Variants in FUT9 observed in about 807,000 individuals in gnomAD.
FUT9 encodes fucosyltransferase 9, also known as 4-galactosyl-N-acetylglucosaminide 3-alpha-L-fucosyltransferase 9.
FUT9 carries 15 observed loss-of-function variants against 29.7 expected under a neutral mutation model. That is an observed-to-expected ratio of 0.51 (90% CI 0.34 to 0.78). The LOEUF (loss-of-function observed/expected upper bound fraction) is 0.78. FUT9 is among the 30% of genes least tolerant of loss of function. FUT9 has a pLI of 0.01. For synonymous variants in FUT9, 169 were observed against 153.7 expected, an observed-to-expected ratio of 1.10 and a Z score of -0.74; for missense variants, 319 against 425.4, an observed-to-expected ratio of 0.75 and a Z score of 2.20.
intron 1 of FUT9, among the ~76,000 whole-genome samples, chr6:96,077,536 T>G (rs1771159401): frequency 6.6e-6 from 1 of 152,134 alleles, no homozygotes; most frequent in Admixed American, 6.5e-5. Flanking sequence ...CCCCCTCCTC[T>G]CACCTTGTAA....
chr6:96,100,413 G>T (rs1362117457), intron 1 of FUT9, among the ~76,000 whole-genome samples: 2 of 152,068 alleles, frequency 1.3e-5, no homozygotes, highest in Non-Finnish European at 2.9e-5. Flanking sequence ...GTAAAGTAAA[G>T]GAAATACTTT....
intron 2 of FUT9, among the ~76,000 whole-genome samples, chr6:96,187,680 A>C (rs6571110): frequency 6.6e-6 from 1 of 151,830 alleles, no homozygotes; most frequent in Non-Finnish European, 1.5e-5. Context: ...TTATAAAAAT[A>C]TACAGGGAGG....
intron 2 of FUT9, among the ~76,000 whole-genome samples, chr6:96,129,282 AAAAAAAAAAACAAAC>A (rs367827023): frequency 0.73 from 84,132 of 115,970 alleles, 30,916 homozygotes; most frequent in East Asian, 0.9. Flanking sequence ...AAAAAAAAAA[AAAAAAAAAAACAAAC>A]AACCAGCCAT....
intron 1 of FUT9, among the ~76,000 whole-genome samples, chr6:96,106,401 T>C (rs1771686737): frequency 6.6e-6 from 1 of 152,178 alleles, no homozygotes; most frequent in Non-Finnish European, 1.5e-5. Context: ...ATTCAATTTT[T>C]TTCTTGTTAT....
chr6:96,182,092 A>C (rs1389800735), intron 2 of FUT9, among the ~76,000 whole-genome samples: 1 of 151,820 alleles, frequency 6.6e-6, no homozygotes, highest in African/African-American at 2.4e-5. Flanking sequence ...AACATCTATT[A>C]GTTTTTGATT....
intron 1 of FUT9, among the ~76,000 whole-genome samples, chr6:96,111,572 CACACACACACACAA>C (rs1445997342): frequency 2.6e-5 from 4 of 151,262 alleles, no homozygotes; most frequent in Non-Finnish European, 4.4e-5. Context: ...CACACACACA[CACACACACACACAA>C]ATCTGAGTTA....
intron 1 of FUT9, among the ~76,000 whole-genome samples, chr6:96,051,111 G>C (rs1157320705): frequency 1.3e-5 from 2 of 151,826 alleles, no homozygotes; most frequent in African/African-American, 4.8e-5. Flanking sequence ...TGAAAAAAAT[G>C]AGTAGTAAAT....
At chr6:96,030,259 A>G (rs1457221115) in intron 1 of FUT9, among the ~76,000 whole-genome samples, 1 of 151,696 alleles carries the variant, frequency 6.6e-6, no homozygotes, top group Non-Finnish European at 1.5e-5. Flanking sequence ...CTCACAATTC[A>G]ATGATCAAAA....
rs190768882 is a variant in FUT9, at chr6:96,038,243, C to T, written c.-98+22031C>T. Among the ~76,000 whole-genome samples the T allele has an allele frequency of 1.4e-4, 21 of 152,170 alleles. 1 individual carries two copies. Among genetic ancestry groups the T allele is most frequent in the Admixed American group, 5.9e-4 (9 of 15,272 alleles). ...AAGTTTTCAAAAGAGAGGTTCAGAACGGTTGCACATATTCACCAGAGAGGA... is the reference window on the plus strand; with the variant it reads ...AAGTTTTCAAAAGAGAGGTTCAGAATGGTTGCACATATTCACCAGAGAGGA... On this transcript the variant is annotated intron_variant, in intron 1 of 2. Coordinates refer to ENST00000302103, the MANE Select transcript of FUT9 (RefSeq NM_006581.4).
intron 2 of FUT9, among the ~76,000 whole-genome samples, chr6:96,164,765 T>TC (rs1040223736): frequency 1.3e-5 from 2 of 152,210 alleles, no homozygotes; most frequent in African/African-American, 4.8e-5. Context: ...AATGTCCTTG[T>TC]CCAAGAGGAG....
intron 2 of FUT9, among the ~76,000 whole-genome samples, chr6:96,154,809 A>G (rs563909987): frequency 6.6e-5 from 10 of 152,362 alleles, no homozygotes; most frequent in African/African-American, 2.2e-4. Context: ...TGTTTGAACC[A>G]AAGTATTTCA....
At chr6:96,177,691 CAG>C (rs1773228779) in intron 2 of FUT9, among the ~76,000 whole-genome samples, 6 of 152,102 alleles carry the variant, frequency 3.9e-5, no homozygotes, top group Non-Finnish European at 7.4e-5. Flanking sequence ...AGTATAGTAA[CAG>C]CTATCTTTCA....
intron 1 of FUT9, among the ~76,000 whole-genome samples, chr6:96,107,637 A>G (rs557207582): frequency 5.3e-5 from 8 of 152,316 alleles, no homozygotes; most frequent in African/African-American, 1.9e-4. Context: ...AACATCTATT[A>G]TAACCATTAC....
intron 2 of FUT9, among the ~76,000 whole-genome samples, chr6:96,151,424 G>A (rs1469643784): frequency 6.6e-6 from 1 of 152,060 alleles, no homozygotes; most frequent in Admixed American, 6.6e-5. Context: ...CTTGTCCTTG[G>A]TGCCTAAAGT....
chr6:96,115,342 T>G (rs890665953), intron 2 of FUT9, among the ~76,000 whole-genome samples: 3 of 152,208 alleles, frequency 2.0e-5, no homozygotes. Flanking sequence ...ACAATTTGCA[T>G]TCTTTTTTTC....
intron 1 of FUT9, among the ~76,000 whole-genome samples, chr6:96,041,121 T>G (rs1432221464): frequency 3.3e-5 from 5 of 151,764 alleles, no homozygotes; most frequent in African/African-American, 4.8e-5. Context: ...TGACCCATCT[T>G]GCAAAACACG....
rs979736259 is a variant in FUT9, at chr6:96,206,249, C to T, written c.*2014C>T. 9 of 167,068 alleles carry T rather than the reference C, an allele frequency of 5.4e-5. No individual in the cohort carries two copies. The highest frequency in any genetic ancestry group is 1.7e-4 in the African/African-American group (7 of 41,524). 10.3% of individuals were successfully genotyped at this position (167,068 alleles called of 1,614,324 possible). A position where few individuals can be genotyped will look rare whatever the true frequency, so the allele number is the denominator to read the frequency against. ...TTTTGACCCAACATATTATTCTCTC[C>T]GTATTATCTCTTCTAACCACAATGC... On this transcript the variant is annotated 3_prime_UTR_variant, in exon 3 of 3. Transcript: ENST00000302103.
At chr6:96,125,660 A>T (rs1772120516) in intron 2 of FUT9, among the ~76,000 whole-genome samples, 2 of 152,140 alleles carry the variant, frequency 1.3e-5, no homozygotes, top group African/African-American at 4.8e-5. Flanking sequence ...CTAGAATTGA[A>T]GTCTTCTGAA....
intron 1 of FUT9, among the ~76,000 whole-genome samples, chr6:96,107,173 A>G (rs1771705942): frequency 6.6e-6 from 1 of 152,182 alleles, no homozygotes; most frequent in Non-Finnish European, 1.5e-5. Flanking sequence ...CAAAATATGC[A>G]TCCACCGTAT....
Sources: allele counts gnomAD v4.1 joint callset (sites outside exome capture counted in the v4.1 genomes callset), GRCh38; gene constraint gnomAD v4.1.1; transcripts MANE v1.5; gene names NCBI Gene and HGNC (gene_info 2026-07-23, HGNC 2026-07-21).